Variants in ZBBX observed in about 807,000 individuals in gnomAD.
The protein encoded by ZBBX is zinc finger B-box domain-containing protein 1.
In ZBBX, 101 loss-of-function variants were observed where a neutral mutation model predicts 108.5. That is an observed-to-expected ratio of 0.93 (90% CI 0.79 to 1.10). The LOEUF is 1.10. Ranked by LOEUF, ZBBX falls within the 50% of genes least tolerant of loss-of-function variation. ZBBX has a pLI of 0.00. For missense variants in ZBBX, 1,009 were observed against 941.4 expected, an observed-to-expected ratio of 1.07 and a Z score of -0.94; for synonymous variants, 356 against 323.4, an observed-to-expected ratio of 1.10 and a Z score of -1.08.
At chr3:167,337,868 A>G (rs981947290) in intron 9 of ZBBX, among the ~76,000 whole-genome samples, 5 of 152,292 alleles carry the variant, frequency 3.3e-5, no homozygotes, top group Middle Eastern at 3.4e-3. Context: ...ATAACACTGT[A>G]CCATATATTA....
At chr3:167,325,213 A>G (rs1459257225) in intron 11 of ZBBX, among the ~76,000 whole-genome samples, 1 of 152,130 alleles carries the variant, frequency 6.6e-6, no homozygotes, top group East Asian at 1.9e-4. Context: ...ATCTGTTCTC[A>G]CGCTGCTAAT....
At chr3:167,197,805 G>A in the ZBBX span, among the ~76,000 whole-genome samples, 1 of 152,084 alleles carries the variant, frequency 6.6e-6, no homozygotes, top group African/African-American at 2.4e-5. Flanking sequence ...ATATAGAAAA[G>A]TATATTACTT....
At chr3:167,313,570 C>T (rs958449849) in intron 16 of ZBBX, among the ~76,000 whole-genome samples, 1 of 152,096 alleles carries the variant, frequency 6.6e-6, no homozygotes, top group East Asian at 1.9e-4. Context: ...GCTTGAGCCA[C>T]CGAGCCCGGC....
the ZBBX span, among the ~76,000 whole-genome samples, chr3:167,180,451 T>A: frequency 6.6e-6 from 1 of 152,164 alleles, no homozygotes; most frequent in East Asian, 1.9e-4. Flanking sequence ...TAAGTAGGAG[T>A]AAGGAGTAGT....
chr3:167,281,466 C>T (rs182816336), intron 20 of ZBBX, among the ~76,000 whole-genome samples: 111 of 152,184 alleles, frequency 7.3e-4, no homozygotes, highest in African/African-American at 2.5e-3. Flanking sequence ...ACAGGAAAAA[C>T]AACGGAAAAG....
intron 20 of ZBBX, among the ~76,000 whole-genome samples, chr3:167,262,099 C>T (rs1280653535): frequency 6.6e-6 from 1 of 152,166 alleles, no homozygotes; most frequent in East Asian, 1.9e-4. Flanking sequence ...GGAAACTTCT[C>T]ACGCAAACAG....
intron 21 of ZBBX, 136 bp from the exon 22 acceptor site, chr3:167,241,055 C>G: frequency 1.1e-6 from 1 of 875,086 alleles, no homozygotes; most frequent in Non-Finnish European, 1.6e-6. Context: ...AGACTGGGGC[C>G]ATAATTTTCA....
chr3:167,357,727 G>A (rs1192940176), intron 8 of ZBBX, among the ~76,000 whole-genome samples: 6 of 152,128 alleles, frequency 3.9e-5, no homozygotes, highest in South Asian at 4.1e-4. Flanking sequence ...ACATGCACAC[G>A]TATGTTTATT....
the ZBBX span, among the ~76,000 whole-genome samples, chr3:167,230,349 A>G: frequency 1.3e-5 from 2 of 151,852 alleles, no homozygotes; most frequent in Non-Finnish European, 2.9e-5. Flanking sequence ...CACTAGTGAC[A>G]TAGTTATTAA....
intron 1 of ZBBX, among the ~76,000 whole-genome samples, chr3:167,402,083 G>A (rs1354277798): frequency 6.6e-6 from 1 of 151,994 alleles, no homozygotes; most frequent in Non-Finnish European, 1.5e-5. Flanking sequence ...GGCAACAGTG[G>A]AGATCGTGGG....
At chr3:167,396,292 G>A (rs1748233568) in intron 1 of ZBBX, among the ~76,000 whole-genome samples, 1 of 152,014 alleles carries the variant, frequency 6.6e-6, no homozygotes, top group African/African-American at 2.4e-5. Context: ...ATAAATGAAT[G>A]ACAATGGAAA....
At chr3:167,382,641 A>G (rs1160976709), upstream of ZBBX, among the ~76,000 whole-genome samples, 4 of 152,184 alleles carry the variant, frequency 2.6e-5, no homozygotes, top group Admixed American at 2.6e-4. Flanking sequence ...AGCATTATCC[A>G]AAACTTAGAA....
At chr3:167,381,922 G>A (rs1304952518), upstream of ZBBX, among the ~76,000 whole-genome samples, 3 of 152,140 alleles carry the variant, frequency 2.0e-5, no homozygotes, top group South Asian at 4.1e-4. Context: ...AGATGGCCAG[G>A]GAAGTATCTG....
chr3:167,388,720 C>T (rs75270346), intron 1 of ZBBX, among the ~76,000 whole-genome samples: 5,455 of 152,036 alleles, frequency 0.036, 337 homozygotes, highest in African/African-American at 0.13. Flanking sequence ...GCTGTTCTGC[C>T]TTTCTCAACA....
chr3:167,392,060 C>T (rs1476560150), intron 1 of ZBBX, among the ~76,000 whole-genome samples: 1 of 151,586 alleles, frequency 6.6e-6, no homozygotes, highest in Non-Finnish European at 1.5e-5. Context: ...ATACCCTCAC[C>T]CACCTGAAGC....
At chr3:167,378,954 TGTTTCCCTAA>T (rs1235101023) in intron 2 of ZBBX, among the ~76,000 whole-genome samples, 1 of 152,218 alleles carries the variant, frequency 6.6e-6, no homozygotes, top group Non-Finnish European at 1.5e-5. Flanking sequence ...ATATAGATTT[TGTTTCCCTAA>T]GTAGCCCAAA....
At chr3:167,269,693 C>T (rs543837669) in intron 20 of ZBBX, among the ~76,000 whole-genome samples, 1 of 152,300 alleles carries the variant, frequency 6.6e-6, no homozygotes, top group Admixed American at 6.5e-5. Context: ...CTCTTTATAA[C>T]ACCCCAATAC....
At chr3:167,390,204 C>T (rs1397560399) in intron 1 of ZBBX, among the ~76,000 whole-genome samples, 1 of 152,006 alleles carries the variant, frequency 6.6e-6, no homozygotes, top group Non-Finnish European at 1.5e-5. Context: ...TTCCTAGCAC[C>T]ATTTATTAAA....
At chr3:167,331,286 A>G (rs866566774) in intron 10 of ZBBX, among the ~76,000 whole-genome samples, 1 of 152,308 alleles carries the variant, frequency 6.6e-6, no homozygotes, top group Middle Eastern at 3.4e-3. Flanking sequence ...GCCTCCAACA[A>G]TAACATTTAT....
Sources: allele counts gnomAD v4.1 joint callset (sites outside exome capture counted in the v4.1 genomes callset), GRCh38; gene constraint gnomAD v4.1.1; transcripts MANE v1.5; gene names NCBI Gene and HGNC (gene_info 2026-07-23, HGNC 2026-07-21).